CCDC122: variants seen among roughly 807,000 people sequenced by gnomAD.
The protein encoded by CCDC122 is coiled-coil domain containing 122.
A neutral mutation model predicts 37.0 loss-of-function variants in CCDC122; 38 were observed. The ratio of observed to expected loss-of-function variants is 1.03; its 90% CI spans 0.79 to 1.35. The LOEUF (loss-of-function observed/expected upper bound fraction) is 1.35, where lower values mean the gene tolerates loss of function less well. Ranked by LOEUF, CCDC122 falls within the 40% of genes most tolerant of loss-of-function variation. The pLI, the probability that CCDC122 is intolerant of heterozygous loss-of-function variation, is 0.00. For synonymous variants in CCDC122, 83 were observed against 95.6 expected (o/e 0.87, Z 0.77); for missense variants, 305 against 310.0 (o/e 0.98, Z 0.12).
rs139943632 is a variant in CCDC122, at chr13:43,857,059, T to C, written c.672+1722A>G. ...ATTCCCACGCTCAACATCTCCCAACTGTAATACCGATAATCAGATGGGCTA... is the reference window on the plus strand; with the variant it reads ...ATTCCCACGCTCAACATCTCCCAACCGTAATACCGATAATCAGATGGGCTA... On this transcript the variant is annotated intron_variant, in intron 6 of 6. Coordinates refer to ENST00000444614, the MANE Select transcript of CCDC122 (RefSeq NM_144974.5). 9.3e-3 allele frequency among the ~76,000 whole-genome samples: 1,420 copies of C among 152,332 alleles called. 10 individuals are homozygous for C. Among genetic ancestry groups the C allele is most frequent in the South Asian group, 0.016 (76 of 4,830 alleles).
intron 1 of CCDC122, chr13:43,877,569 T>A (rs1435165421): frequency 1.3e-5 from 2 of 152,152 alleles, no homozygotes; most frequent in East Asian, 3.9e-4. Context: ...AAGCTATTAA[T>A]TTTGCTTGAT....
At chr13:43,854,640 T>C (rs1953848169) in intron 6 of CCDC122, 1 of 152,098 alleles carries the variant, frequency 6.6e-6, no homozygotes, top group African/African-American at 2.4e-5. Flanking sequence ...GCCAGAATCA[T>C]CCTGATACCA....
rs547542515 is a variant in CCDC122 at position 43,848,208 on chromosome 13, C to G, written c.672+10573G>C. On this transcript the variant is annotated intron_variant, in intron 6 of 6. Coordinates refer to ENST00000444614, the MANE Select transcript of CCDC122 (RefSeq NM_144974.5). ...TAAATTAAATATGCTTTGTTCATCA[C>G]TCTTAGCAGCTCTTAAAGTGTACAC... 2.6e-5 allele frequency among the ~76,000 whole-genome samples: 4 copies of G among 152,350 alleles called. No individual in the cohort carries two copies. The East Asian group carries it at 7.7e-4, about 29-fold the overall frequency.
At position 43,852,268 on chromosome 13, in the gene CCDC122, A is replaced by T. The variant is rs550811120; in HGVS notation, c.672+6513T>A. 2.8e-4 allele frequency among the ~76,000 whole-genome samples: 43 copies of T among 152,280 alleles called. No individual in the cohort carries two copies. In the East Asian group the frequency reaches 7.9e-3, roughly 28 times the overall value. On this transcript the variant is annotated intron_variant, in intron 6 of 6. Transcript: ENST00000444614. ...CAATGCAGGAGCTGACAGACAAAAT[A>T]GCCAGTATAGAAAAGAACCTAAGTG...
chr13:43,840,463 T>A (rs979347471), intron 6 of CCDC122, among the ~76,000 whole-genome samples: 7 of 152,126 alleles, frequency 4.6e-5, no homozygotes, highest in Non-Finnish European at 1.0e-4. Context: ...TGTGCCATGT[T>A]GGTTTGCTGC....
At chr13:43,821,218 T>A (rs1952990422), downstream of CCDC122, among the ~76,000 whole-genome samples, 1 of 152,070 alleles carries the variant, frequency 6.6e-6, no homozygotes, top group South Asian at 2.1e-4. Flanking sequence ...TATGTAGGGG[T>A]TTTTAAAACA....
Position 43,868,790 on chromosome 13 carries a change from T to TA in CCDC122, c.59_60insT (p.Ser21LysfsTer5). ...TCTCTACAGCATCAGCTAATGAACT[T>TA]GTGTCTTGGTTATCTACAATTAGAC... On this transcript the variant is annotated frameshift_variant, in exon 4 of 7. Coordinates refer to ENST00000444614, the MANE Select transcript of CCDC122 (RefSeq NM_144974.5). LOFTEE classifies it high-confidence loss of function. 2.0e-6 allele frequency: 3 copies of TA among 1,508,924 alleles called. No homozygotes were observed. The highest frequency in any genetic ancestry group is 2.7e-6 in the Non-Finnish European group (3 of 1,128,706). The allele number at this position is 1,508,924 out of a possible 1,614,324, so 93.5% of individuals were successfully genotyped here.
chr13:43,828,039 G>A (rs1162089035), intron 3 of CCDC122, among the ~76,000 whole-genome samples: 2 of 152,182 alleles, frequency 1.3e-5, no homozygotes, highest in Non-Finnish European at 2.9e-5. Flanking sequence ...TGGATAAGCA[G>A]GTTGGGGACA....
At chr13:43,826,988 T>C (rs934174100) in intron 3 of CCDC122, among the ~76,000 whole-genome samples, 7 of 152,210 alleles carry the variant, frequency 4.6e-5, no homozygotes, top group Non-Finnish European at 8.8e-5. Context: ...CCATTTTTAA[T>C]AAGAATTTTC....
intron 6 of CCDC122, among the ~76,000 whole-genome samples, chr13:43,846,317 G>A (rs924235260): frequency 4.6e-5 from 7 of 152,054 alleles, no homozygotes; most frequent in Admixed American, 3.3e-4. Flanking sequence ...CCAGTGATCC[G>A]CCCACCTTGG....
intron 4 of CCDC122, among the ~76,000 whole-genome samples, chr13:43,867,265 G>A (rs568334957): frequency 6.1e-4 from 93 of 152,086 alleles, no homozygotes; most frequent in African/African-American, 2.2e-3. Flanking sequence ...TCTTATCGTG[G>A]TATAAATCTT....
At chr13:43,868,311 G>A (rs1280373321) in intron 4 of CCDC122, among the ~76,000 whole-genome samples, 2 of 152,030 alleles carry the variant, frequency 1.3e-5, no homozygotes, top group Non-Finnish European at 2.9e-5. Context: ...GAACATAGAG[G>A]GAGGCTACTT....
chr13:43,873,954 C>T (rs1225606900), intron 2 of CCDC122, among the ~76,000 whole-genome samples: 1 of 152,156 alleles, frequency 6.6e-6, no homozygotes, highest in Non-Finnish European at 1.5e-5. Flanking sequence ...CTCCAGTTTG[C>T]CCTTTTCTAA....
At chr13:43,863,644 CA>C (rs766501527) in intron 4 of CCDC122, among the ~76,000 whole-genome samples, 8 of 151,572 alleles carry the variant, frequency 5.3e-5, no homozygotes, top group Non-Finnish European at 8.8e-5. Flanking sequence ...TTGTTATGGT[CA>C]GTCTTTTTAA....
downstream of CCDC122, among the ~76,000 whole-genome samples, chr13:43,820,545 C>T (rs531310769): frequency 3.9e-5 from 6 of 152,212 alleles, no homozygotes; most frequent in Non-Finnish European, 7.4e-5. Context: ...ATTACAACAT[C>T]AAATATATAA....
Position 43,863,596 on chromosome 13 carries a change from G to A in CCDC122, c.157-3526C>T, listed in dbSNP as rs189132034. Among the ~76,000 whole-genome samples, 3 of 152,154 alleles carry A rather than the reference G, an allele frequency of 2.0e-5. No homozygotes were observed. In the East Asian group the frequency reaches 5.8e-4, roughly 29 times the overall value. Reference sequence around the variant, plus strand: ...TGTCATTTTACAGTCCATCTAACAGGTCTGAGAGTTCCAGGCCTTCCATAT... The same window carrying A: ...TGTCATTTTACAGTCCATCTAACAGATCTGAGAGTTCCAGGCCTTCCATAT... On this transcript the variant is annotated intron_variant, in intron 4 of 6. Coordinates refer to ENST00000444614, the MANE Select transcript of CCDC122 (RefSeq NM_144974.5).
downstream of CCDC122, among the ~76,000 whole-genome samples, chr13:43,833,412 T>G (rs1444797832): frequency 6.6e-6 from 1 of 152,190 alleles, no homozygotes; most frequent in East Asian, 1.9e-4. Context: ...TTCTTGAAAT[T>G]ATAGCTTTCC....
intron 4 of CCDC122, among the ~76,000 whole-genome samples, chr13:43,861,700 G>A (rs562386664): frequency 7.2e-5 from 11 of 152,048 alleles, no homozygotes; most frequent in Non-Finnish European, 1.5e-5. Flanking sequence ...ATACAATATG[G>A]CAATGAACCT....
At chr13:43,834,209 A>C (rs1318039269), downstream of CCDC122, among the ~76,000 whole-genome samples, 1 of 152,234 alleles carries the variant, frequency 6.6e-6, no homozygotes, top group Non-Finnish European at 1.5e-5. Flanking sequence ...GAAATGAGGA[A>C]AGGATTCCCT....
Sources: allele counts gnomAD v4.1 joint callset (sites outside exome capture counted in the v4.1 genomes callset), GRCh38; gene constraint gnomAD v4.1.1; transcripts MANE v1.5; gene names NCBI Gene and HGNC (gene_info 2026-07-23, HGNC 2026-07-21).